Variants in MTM1 observed in about 807,000 individuals in gnomAD.
The protein encoded by MTM1 is myotubularin 1, also known as myotubularin.
MTM1 carries 9 observed loss-of-function variants against 52.1 expected under a neutral mutation model. The ratio of observed to expected loss-of-function variants is 0.17; its 90% CI spans 0.10 to 0.30. MTM1 has a LOEUF of 0.30. Ranked by LOEUF, MTM1 falls within the 10% of genes least tolerant of loss-of-function variation. The pLI is 1.00. For synonymous variants in MTM1, 136 were observed against 163.8 expected, an observed-to-expected ratio of 0.83 and a Z score of 1.29; for missense variants, 277 against 470.7, an observed-to-expected ratio of 0.59 and a Z score of 3.81.
chrX:150,616,899 C>A (rs1557413156), intron 5 of MTM1, among the ~76,000 whole-genome samples: 1 of 111,617 alleles, frequency 9.0e-6, no homozygotes, highest in African/African-American at 3.3e-5. Context: ...AGGCTTGGAA[C>A]ATCACCATAT....
At chrX:150,661,545 A>G (rs1458492210) in intron 13 of MTM1, among the ~76,000 whole-genome samples, 1 of 112,149 alleles carries the variant, frequency 8.9e-6, no homozygotes, top group East Asian at 2.8e-4. Context: ...ACCTGTGTCC[A>G]TCAACAGATG....
chrX:150,579,370 C>T (rs1557411788), intron 1 of MTM1, among the ~76,000 whole-genome samples: 1 of 111,594 alleles, frequency 9.0e-6, no homozygotes, highest in Non-Finnish European at 1.9e-5. Flanking sequence ...TGCAATATTT[C>T]TCCATGTATT....
Position 150,649,881 on chromosome X carries a change from C to T in MTM1, c.1033C>T (p.His345Tyr). ...TTGGTTGTCCAGTTTGGAGTCTACT[C>T]ATTGGTTAGAACATATCAAGGCAAG... ...SHWLSSLEST[H>Y]WLEHIKLVLT... Residue 345 changes from histidine to tyrosine, a missense_variant, in exon 10 of 15, where the codon CAT becomes TAT. Coordinates refer to ENST00000370396, the MANE Select transcript of MTM1 (RefSeq NM_000252.3). 2 of 1,206,021 alleles carry T rather than the reference C, an allele frequency of 1.7e-6. No individual in the cohort carries two copies. Among genetic ancestry groups the T allele is most frequent in the Non-Finnish European group, 2.2e-6 (2 of 891,738 alleles).
intron 6 of MTM1, among the ~76,000 whole-genome samples, chrX:150,634,746 G>A (rs2039728526): frequency 8.9e-6 from 1 of 111,810 alleles, no homozygotes; most frequent in African/African-American, 3.3e-5. Flanking sequence ...GGTGAGGGTG[G>A]CCATTTGAGA....
chrX:150,631,690 A>AT (rs2039673541), intron 6 of MTM1, among the ~76,000 whole-genome samples: 1 of 108,980 alleles, frequency 9.2e-6, no homozygotes, highest in African/African-American at 3.3e-5. Flanking sequence ...AAAAAAAAAA[A>AT]AACAAATAAA....
At chrX:150,659,604 T>C (rs782287813) in intron 11 of MTM1, 60 bp from the exon 12 acceptor site, 3 of 964,930 alleles carry the variant, frequency 3.1e-6, no homozygotes, top group Admixed American at 2.2e-5. Context: ...TTTTGTGTTA[T>C]ATGCTTTCTC....
chrX:150,671,696 A>G lies in MTM1; in HGVS notation c.*101A>G. 1.1e-6 allele frequency: 1 copy of G among 937,089 alleles called. No individual in the cohort carries two copies. Among genetic ancestry groups the G allele is most frequent in the Non-Finnish European group, 1.5e-6 (1 of 664,773 alleles). 77.2% of individuals were successfully genotyped at this position (937,089 alleles called of 1,213,427 possible). ...TAGATTAAAATATTTGCCTCCATGTAGAACTTGAACTAACATAATCTTAAA... is the reference window on the plus strand; with the variant it reads ...TAGATTAAAATATTTGCCTCCATGTGGAACTTGAACTAACATAATCTTAAA... On this transcript the variant is annotated 3_prime_UTR_variant, in exon 15 of 15. Coordinates refer to ENST00000370396, the MANE Select transcript of MTM1 (RefSeq NM_000252.3).
rs12690043 is a variant in MTM1 at position 150,580,572 on chromosome X, A to G, written c.-11+11910A>G. 7.3e-5 allele frequency among the ~76,000 whole-genome samples: 8 copies of G among 108,873 alleles called. No homozygotes were observed. The East Asian group carries it at 2.0e-3, about 27-fold the overall frequency. 94.5% of individuals were successfully genotyped at this position (108,873 alleles called of 115,157 possible). A position where few individuals can be genotyped will look rare whatever the true frequency, so the allele number is the denominator to read the frequency against. On this transcript the variant is annotated intron_variant, in intron 1 of 14. Transcript: ENST00000370396. ...AGGTTATTTCTGCCCCATCTGTGAAACCTTGTCTGCCAATAGTGCCAAGTT... is the reference window on the plus strand; with the variant it reads ...AGGTTATTTCTGCCCCATCTGTGAAGCCTTGTCTGCCAATAGTGCCAAGTT...
chrX:150,607,933 G>A (rs1298754716), intron 4 of MTM1, among the ~76,000 whole-genome samples: 1 of 111,654 alleles, frequency 9.0e-6, no homozygotes, highest in Non-Finnish European at 1.9e-5. Flanking sequence ...TAGTACAGGG[G>A]CACAACAGTT....
chrX:150,609,873 A>G (rs1317555560), intron 4 of MTM1, among the ~76,000 whole-genome samples: 1 of 111,645 alleles, frequency 9.0e-6, no homozygotes, highest in Non-Finnish European at 1.9e-5. Flanking sequence ...CAGAATGCTC[A>G]GTGCTGCCAG....
At chrX:150,666,021 T>A (rs1164616041) in intron 14 of MTM1, among the ~76,000 whole-genome samples, 2 of 112,275 alleles carry the variant, frequency 1.8e-5, no homozygotes, top group African/African-American at 6.5e-5. Context: ...TATTAGCAGG[T>A]TGACCTGTGT....
intron 10 of MTM1, 43 bp downstream of exon 10, chrX:150,649,944 T>A (rs2039992305): frequency 2.7e-6 from 3 of 1,118,071 alleles, no homozygotes; most frequent in Non-Finnish European, 3.7e-6. Flanking sequence ...TAAAAAAGAA[T>A]GTAATTGTTT....
chrX:150,667,411 G>A (rs1430711909), intron 14 of MTM1, among the ~76,000 whole-genome samples: 1 of 111,456 alleles, frequency 9.0e-6, no homozygotes, highest in Non-Finnish European at 1.9e-5. Context: ...CTGTAGAATT[G>A]ATCACCTTCA....
At chrX:150,652,387 A>G (rs1019311435) in intron 10 of MTM1, among the ~76,000 whole-genome samples, 3 of 107,263 alleles carry the variant, frequency 2.8e-5, no homozygotes, top group African/African-American at 1.0e-4. Context: ...AAGACAAAAA[A>G]TAGTTGTAGT....
At chrX:150,643,967 C>T (rs1297755637) in intron 8 of MTM1, among the ~76,000 whole-genome samples, 1 of 110,809 alleles carries the variant, frequency 9.0e-6, no homozygotes, top group African/African-American at 3.3e-5. Flanking sequence ...ATCCCCCCTC[C>T]TGCAAAGAAA....
chrX:150,575,990 CTTG>C (rs782259379), intron 1 of MTM1, among the ~76,000 whole-genome samples: 240 of 111,055 alleles, frequency 2.2e-3, no homozygotes, highest in African/African-American at 7.5e-3. Context: ...CCTCCTTGAA[CTTG>C]TTAATGTGGT....
At chrX:150,639,158 T>A (rs782735481) in intron 7 of MTM1, 132 bp downstream of exon 7, 9 of 589,175 alleles carry the variant, frequency 1.5e-5, no homozygotes, top group Admixed American at 4.6e-5. Flanking sequence ...GGTGATATTA[T>A]CCACATTTTG....
chrX:150,611,769 G>A (rs782400772), intron 4 of MTM1, among the ~76,000 whole-genome samples: 1 of 112,131 alleles, frequency 8.9e-6, no homozygotes, highest in South Asian at 3.7e-4. Context: ...GAACTCGCTC[G>A]TGCTGCCCGT....
At position 150,663,656 on chromosome X, in the gene MTM1, C is replaced by T. The variant is rs2040260704; in HGVS notation, c.1644+47C>T. On this transcript the variant is annotated intron_variant, in intron 14 of 14. Transcript: ENST00000370396. ...AAAGATAGCAATGTCAACTGCTTGC[C>T]TTAGATAATGTTATTTGGTATGGAT... is the stretch of plus-strand genomic sequence containing the variant. 2.7e-6 allele frequency: 3 copies of T among 1,097,380 alleles called. No homozygotes were observed. In the East Asian group the frequency reaches 9.0e-5, roughly 33 times the overall value. The allele number at this position is 1,097,380 out of a possible 1,213,427, so 90.4% of individuals were successfully genotyped here.
Sources: allele counts gnomAD v4.1 joint callset (sites outside exome capture counted in the v4.1 genomes callset), GRCh38; gene constraint gnomAD v4.1.1; transcripts MANE v1.5; gene names NCBI Gene and HGNC (gene_info 2026-07-23, HGNC 2026-07-21).